The following PUM2 variants were observed in gnomAD, a reference collection of about 807,000 sequenced individuals.
PUM2 encodes pumilio RNA binding family member 2.
A neutral mutation model predicts 124.5 loss-of-function variants in PUM2; 57 were observed. The ratio of observed to expected loss-of-function variants is 0.46; its 90% CI spans 0.37 to 0.57. PUM2 has a LOEUF of 0.57. Among genes scored for constraint, PUM2 ranks in the 20% least tolerant of loss-of-function variants. The pLI is 0.00. For missense variants in PUM2, 1,065 were observed against 1,290.6 expected (o/e 0.83, Z 2.68); for synonymous variants, 460 against 446.1 (o/e 1.03, Z -0.39).
At chr2:20,282,645 G>T (rs1671801100) in intron 12 of PUM2, among the ~76,000 whole-genome samples, 1 of 152,074 alleles carries the variant, frequency 6.6e-6, no homozygotes, top group Non-Finnish European at 1.5e-5. Context: ...AATAATTAGT[G>T]AATAATATAT....
Position 20,292,572 on chromosome 2 carries a change from G to C in PUM2, c.1153-1782C>G, listed in dbSNP as rs368139144. Among the ~76,000 whole-genome samples, 35 of 152,084 alleles carry C rather than the reference G, an allele frequency of 2.3e-4. No homozygotes were observed. In the East Asian group the frequency reaches 5.9e-3, roughly 26 times the overall value. On this transcript the variant is annotated intron_variant, in intron 9 of 20. Transcript: ENST00000361078. ...AGACGGGGTTTCACCATTTTGGCCA[G>C]GCTGGTCTCTAACTCCTGACCTCAA...
At position 20,350,770 on chromosome 2, in the gene PUM2, C is replaced by T. The variant is rs1689222518; in HGVS notation, c.-192G>A. The T allele has an allele frequency of 1.0e-6, 1 of 980,190 alleles. No homozygotes were observed. The highest frequency in any genetic ancestry group is 1.2e-6 in the Non-Finnish European group (1 of 826,982). 60.7% of individuals were successfully genotyped at this position (980,190 alleles called of 1,614,324 possible). A position where few individuals can be genotyped will look rare whatever the true frequency, so the allele number is the denominator to read the frequency against. Reference sequence around the variant, plus strand: ...CCTCCTTCTCCTCCCCCTCCTCCTCCGAACCACCGAAGTACCGAGGGTGAG... The same window carrying T: ...CCTCCTTCTCCTCCCCCTCCTCCTCTGAACCACCGAAGTACCGAGGGTGAG... On this transcript the variant is annotated 5_prime_UTR_variant, in exon 1 of 21. Transcript: ENST00000361078.
intron 7 of PUM2, among the ~76,000 whole-genome samples, chr2:20,300,180 G>A (rs533687224): frequency 9.3e-5 from 14 of 150,214 alleles, no homozygotes; most frequent in Non-Finnish European, 1.9e-4. Context: ...ACAGAGTTTC[G>A]CTCTTGTTGC....
At chr2:20,259,485 C>A (rs993896859) in intron 15 of PUM2, among the ~76,000 whole-genome samples, 2 of 152,154 alleles carry the variant, frequency 1.3e-5, no homozygotes, top group African/African-American at 4.8e-5. Flanking sequence ...CTACTTTATG[C>A]CACTATTAGT....
intron 16 of PUM2, among the ~76,000 whole-genome samples, chr2:20,257,062 A>G (rs1257660185): frequency 5.4e-5 from 8 of 147,746 alleles, no homozygotes; most frequent in Admixed American, 5.3e-4. Context: ...AAAAAAAAAA[A>G]AAAAAAAAAA....
chr2:20,294,132 C>T (rs866414157), intron 9 of PUM2, among the ~76,000 whole-genome samples: 53 of 152,252 alleles, frequency 3.5e-4, no homozygotes, highest in Admixed American at 8.5e-4. Context: ...TTAGAAACTG[C>T]TAGAGATTTC....
rs78466595 is a variant in PUM2 at position 20,269,629 on chromosome 2, A to G, written c.1958-6169T>C. Among the ~76,000 whole-genome samples, 184 of 152,298 alleles carry G rather than the reference A, an allele frequency of 1.2e-3. 3 individuals carry two copies. The East Asian group carries it at 0.032, about 27-fold the overall frequency. On this transcript the variant is annotated intron_variant, in intron 13 of 20. Coordinates refer to ENST00000361078, the MANE Select transcript of PUM2 (RefSeq NM_015317.5). ...CACATCATTTTAATAGGCTGTTATA[A>G]AAATACACACATGTCAAACGTACTA...
At chr2:20,312,496 T>C in intron 3 of PUM2, 73 bp from the exon 4 acceptor site, 1 of 1,339,062 alleles carries the variant, frequency 7.5e-7, no homozygotes, top group Non-Finnish European at 1.0e-6. Context: ...ATTAATATAC[T>C]GAAGTAAGAA....
Position 20,257,899 on chromosome 2 carries a change from T to C in PUM2, c.2484+344A>G, listed in dbSNP as rs144716340. On this transcript the variant is annotated intron_variant, in intron 16 of 20. Coordinates refer to ENST00000361078, the MANE Select transcript of PUM2 (RefSeq NM_015317.5). ...ATAGTAATGCTATTGGTTCCAAAAA[T>C]TTTCTTCTTATAATAGAAACATTAG... 1.3e-3 allele frequency among the ~76,000 whole-genome samples: 191 copies of C among 152,304 alleles called. 4 individuals carry two copies. In the East Asian group the frequency reaches 0.034, roughly 27 times the overall value.
chr2:20,258,641 A>G (rs1268068808), intron 15 of PUM2, among the ~76,000 whole-genome samples: 2 of 146,870 alleles, frequency 1.4e-5, no homozygotes, highest in Admixed American at 6.8e-5. Flanking sequence ...TCTTTACAAA[A>G]CCCTTCATCT....
At chr2:20,257,457 T>G (rs564373607) in intron 16 of PUM2, among the ~76,000 whole-genome samples, 1 of 152,340 alleles carries the variant, frequency 6.6e-6, no homozygotes, top group East Asian at 1.9e-4. Context: ...AATTATTTCC[T>G]TCAGTCTTAT....
At chr2:20,257,467 T>C (rs1665086375) in intron 16 of PUM2, among the ~76,000 whole-genome samples, 1 of 152,246 alleles carries the variant, frequency 6.6e-6, no homozygotes, top group Admixed American at 6.5e-5. Context: ...TTCAGTCTTA[T>C]GCTTTCATTG....
intron 1 of PUM2, among the ~76,000 whole-genome samples, chr2:20,342,690 C>CT (rs1210315029): frequency 6.6e-6 from 1 of 152,042 alleles, no homozygotes. Context: ...TATGAATAGT[C>CT]TAAGAAATAT....
At chr2:20,320,941 C>A (rs1194125291) in intron 2 of PUM2, among the ~76,000 whole-genome samples, 1 of 152,094 alleles carries the variant, frequency 6.6e-6, no homozygotes, top group Non-Finnish European at 1.5e-5. Flanking sequence ...TCCCATACTT[C>A]ATGAAGAAAA....
At chr2:20,347,431 C>CA (rs1688460567) in intron 1 of PUM2, among the ~76,000 whole-genome samples, 1 of 152,058 alleles carries the variant, frequency 6.6e-6, no homozygotes, top group Non-Finnish European at 1.5e-5. Flanking sequence ...ACATGAAACT[C>CA]AAAGAAAAAG....
chr2:20,343,344 T>C (rs1165993298), intron 1 of PUM2, among the ~76,000 whole-genome samples: 1 of 152,016 alleles, frequency 6.6e-6, no homozygotes, highest in Non-Finnish European at 1.5e-5. Context: ...CAGTGAGTCA[T>C]GTTCACACCA....
At chr2:20,280,474 T>C (rs1245786590) in intron 12 of PUM2, among the ~76,000 whole-genome samples, 1 of 151,896 alleles carries the variant, frequency 6.6e-6, no homozygotes, top group Non-Finnish European at 1.5e-5. Context: ...GTGATTTTTC[T>C]AAAATATGGC....
intron 2 of PUM2, among the ~76,000 whole-genome samples, chr2:20,321,393 G>A (rs1682332371): frequency 1.3e-5 from 2 of 152,192 alleles, no homozygotes; most frequent in African/African-American, 4.8e-5. Context: ...CTATGGCCAA[G>A]CACTATACTA....
Position 20,308,341 on chromosome 2 carries a change from G to C in PUM2, c.762C>G (p.Gly254=). 1 of 1,613,898 alleles carries C rather than the reference G, an allele frequency of 6.2e-7. No homozygotes were observed. The highest frequency in any genetic ancestry group is 8.5e-7 in the Non-Finnish European group (1 of 1,179,842). ...GCTGCTGGGAATTGTAGTCAAAAAG[G>C]CCTACAGTAGCTCCTGAAGAGTCCA... ...VPMDSSGATV[G]LFDYNSQQQL... Residue 254 remains glycine, a synonymous_variant, in exon 6 of 21, where the codon GGC becomes GGG. Transcript: ENST00000361078.
Sources: allele counts gnomAD v4.1 joint callset (sites outside exome capture counted in the v4.1 genomes callset), GRCh38; gene constraint gnomAD v4.1.1; transcripts MANE v1.5; gene names NCBI Gene and HGNC (gene_info 2026-07-23, HGNC 2026-07-21).